LCORL: variants seen among roughly 807,000 people sequenced by gnomAD.
The protein encoded by LCORL is ligand-dependent nuclear receptor corepressor-like protein.
In LCORL, 41 loss-of-function variants were observed where a neutral mutation model predicts 141.8. The ratio of observed to expected loss-of-function variants is 0.29; its 90% CI spans 0.23 to 0.38. The LOEUF is 0.38. LCORL is among the 10% of genes least tolerant of loss of function. The pLI, the probability that LCORL is intolerant of heterozygous loss-of-function variation, is 1.00. For missense variants in LCORL, 1,759 were observed against 2,035.0 expected, an observed-to-expected ratio of 0.86 and a Z score of 2.61; for synonymous variants, 618 against 694.1, an observed-to-expected ratio of 0.89 and a Z score of 1.72.
At chr4:17,991,084 C>G (rs1476018973) in intron 1 of LCORL, among the ~76,000 whole-genome samples, 3 of 151,994 alleles carry the variant, frequency 2.0e-5, no homozygotes, top group Non-Finnish European at 4.4e-5. Flanking sequence ...AAGGAAATTA[C>G]AGGAAAATTC....
At chr4:17,845,576 A>G (rs1259900039) in exon 8 of LCORL, 1 of 509,264 alleles carries the variant, frequency 2.0e-6, no homozygotes, top group African/African-American at 1.9e-5. Context: ...ACATATAAAG[A>G]ATATAATCAA....
intron 5 of LCORL, among the ~76,000 whole-genome samples, chr4:17,898,706 T>C (rs1278357194): frequency 1.3e-5 from 2 of 150,660 alleles, no homozygotes; most frequent in South Asian, 2.1e-4. Context: ...TATAAATAAT[T>C]TAACTAACCA....
chr4:17,915,064 C>A (rs2109349324), intron 4 of LCORL, among the ~76,000 whole-genome samples: 1 of 151,828 alleles, frequency 6.6e-6, no homozygotes, highest in African/African-American at 2.4e-5. Flanking sequence ...TCTCTTTTGC[C>A]CCTCTTCTCC....
At chr4:17,845,519 C>A in exon 8 of LCORL, 1 of 412,218 alleles carries the variant, frequency 2.4e-6, no homozygotes, top group Non-Finnish European at 4.3e-6. Flanking sequence ...ACATCAAAAT[C>A]CGTTTACAAA....
At chr4:17,998,685 T>C (rs558574228) in intron 1 of LCORL, among the ~76,000 whole-genome samples, 3 of 152,040 alleles carry the variant, frequency 2.0e-5, no homozygotes, top group Admixed American at 1.3e-4. Flanking sequence ...CTATAGTACA[T>C]GTTCGGACAT....
chr4:17,853,959 T>C (rs1048846198), intron 7 of LCORL, among the ~76,000 whole-genome samples: 3 of 152,146 alleles, frequency 2.0e-5, no homozygotes, highest in Non-Finnish European at 2.9e-5. Flanking sequence ...AGTGAGAAAG[T>C]ATTCATAAAT....
At chr4:17,965,770 C>T (rs1714745587) in intron 2 of LCORL, among the ~76,000 whole-genome samples, 3 of 152,104 alleles carry the variant, frequency 2.0e-5, no homozygotes, top group Admixed American at 2.0e-4. Context: ...ATAATAATTA[C>T]ATGTTAAAGC....
At chr4:18,018,635 G>C (rs527837157) in intron 1 of LCORL, among the ~76,000 whole-genome samples, 1 of 152,196 alleles carries the variant, frequency 6.6e-6, no homozygotes, top group Admixed American at 6.5e-5. Flanking sequence ...TATAAAATTA[G>C]AATATTATAT....
At chr4:17,916,594 C>A (rs931255532) in intron 4 of LCORL, among the ~76,000 whole-genome samples, 2 of 151,404 alleles carry the variant, frequency 1.3e-5, no homozygotes, top group African/African-American at 2.4e-5. Flanking sequence ...GTCATGCTTG[C>A]ACAGACTTAC....
In LCORL at chr4:17,884,919, C is replaced by T. The variant is rs529091033; in HGVS notation, c.776+1149G>A. On this transcript the variant is annotated intron_variant, in intron 6 of 7. Transcript: ENST00000635767. This position sits in a 1 kb window ranked among gnomAD's most constrained non-coding sequence, Gnocchi z 4.4. ...AGTAGTTACTCCTTATCAAAGCAAACGCTACAGTCCTGGTAGGACAATGTG... is the reference window on the plus strand; with the variant it reads ...AGTAGTTACTCCTTATCAAAGCAAATGCTACAGTCCTGGTAGGACAATGTG... 3.3e-5 allele frequency among the ~76,000 whole-genome samples: 5 copies of T among 152,028 alleles called. No homozygotes were observed. The highest frequency in any genetic ancestry group is 1.3e-4 in the Admixed American group (2 of 15,220).
chr4:17,877,654 T>C (rs141966870), exon 7 of LCORL: 6 of 1,230,378 alleles, frequency 4.9e-6, no homozygotes, highest in East Asian at 3.2e-5. Context: ...TCAGTTTCTA[T>C]AGGTGATAAT....
intron 1 of LCORL, among the ~76,000 whole-genome samples, chr4:17,995,579 T>C (rs941549221): frequency 9.9e-5 from 15 of 152,174 alleles, no homozygotes; most frequent in Admixed American, 9.2e-4. Context: ...TTTATACTTA[T>C]GCAACAAGTA....
intron 5 of LCORL, among the ~76,000 whole-genome samples, chr4:17,891,791 A>G (rs1011685780): frequency 1.3e-5 from 2 of 152,224 alleles, no homozygotes; most frequent in African/African-American, 4.8e-5. Context: ...AATATAGAAT[A>G]AACTGTGGAA....
chr4:17,937,363 T>C (rs938515056), intron 4 of LCORL, among the ~76,000 whole-genome samples: 1 of 152,196 alleles, frequency 6.6e-6, no homozygotes, highest in African/African-American at 2.4e-5. Flanking sequence ...AAAAGTGTTA[T>C]CTTCCACAAC....
At chr4:17,879,578 C>CA (rs1727300561) in intron 6 of LCORL, among the ~76,000 whole-genome samples, 1 of 150,976 alleles carries the variant, frequency 6.6e-6, no homozygotes, top group Non-Finnish European at 1.5e-5. Flanking sequence ...TAAACTTTGT[C>CA]ATGGTTGGGA....
chr4:18,013,150 G>A (rs751227169), intron 1 of LCORL, among the ~76,000 whole-genome samples: 6 of 150,546 alleles, frequency 4.0e-5, no homozygotes, highest in South Asian at 4.3e-4. Flanking sequence ...CCTCCTTATT[G>A]TAATATTTTT....
chr4:17,843,205 C>CTGAT (rs936191114), exon 8 of LCORL: 5 of 1,318,560 alleles, frequency 3.8e-6, no homozygotes, highest in Admixed American at 4.3e-5. Flanking sequence ...CAATTAAACA[C>CTGAT]TGATAGAATG....
intron 1 of LCORL, among the ~76,000 whole-genome samples, chr4:17,983,591 G>A (rs1487858009): frequency 6.6e-6 from 1 of 151,946 alleles, no homozygotes; most frequent in Non-Finnish European, 1.5e-5. Context: ...ATAGGAATGA[G>A]GGTAATATTT....
rs369188871 is a variant in LCORL, at chr4:17,890,659, C to T, written c.683-4498G>A. Among the ~76,000 whole-genome samples the T allele has an allele frequency of 5.9e-5, 9 of 152,070 alleles. 1 individual carries two copies. The highest frequency in any genetic ancestry group is 4.6e-4 in the Admixed American group (7 of 15,268). On this transcript the variant is annotated intron_variant, in intron 5 of 7. Transcript: ENST00000635767. ...TATAATTTAATTATTTCTGACCAAA[C>T]GCTATTGTAAAATGTACAGAATTAA...
Sources: gnomAD v4.1 joint callset for allele counts (sites outside exome capture counted in the v4.1 genomes callset) on GRCh38, gnomAD v4.1.1 for gene constraint, Gnocchi (gnomAD v3.1) non-coding constraint, MANE v1.5 for transcripts, NCBI Gene and HGNC (gene_info 2026-07-23, HGNC 2026-07-21) for gene names.